KLHL29: variants seen among roughly 807,000 people sequenced by gnomAD.
The protein encoded by KLHL29 is kelch-like protein 29.
Under a neutral mutation model 80.4 loss-of-function variants are expected in KLHL29, and 21 were observed. The ratio of observed to expected loss-of-function variants is 0.26; its 90% CI spans 0.19 to 0.38. The LOEUF is 0.38. KLHL29 is among the 10% of genes least tolerant of loss of function. KLHL29 has a pLI of 1.00. For synonymous variants in KLHL29, 511 were observed against 526.8 expected, an observed-to-expected ratio of 0.97 and a Z score of 0.41; for missense variants, 867 against 1,223.9, an observed-to-expected ratio of 0.71 and a Z score of 4.35.
intron 2 of KLHL29, among the ~76,000 whole-genome samples, chr2:23,550,615 G>A (rs1179250616): frequency 6.6e-6 from 1 of 152,214 alleles, no homozygotes; most frequent in Non-Finnish European, 1.5e-5. Context: ...GTCACAGGCA[G>A]TATGATCTGC....
chr2:23,696,289 C>T lies in KLHL29; in HGVS notation c.1925-44C>T. 6.5e-7 allele frequency: 1 copy of T among 1,541,366 alleles called. No homozygotes were observed. Among genetic ancestry groups the T allele is most frequent in the Non-Finnish European group, 8.8e-7 (1 of 1,139,000 alleles). On this transcript the variant is annotated intron_variant, in intron 10 of 13. Transcript: ENST00000486442. The surrounding 1 kb of genome is among the most constrained non-coding windows in gnomAD (Gnocchi z 5.5). Reference sequence around the variant, plus strand: ...GGCTGGGCCTGCTGACCCCAGGCCCCTCCTCACCCCGCCCGCTCTCTCTGC... The same window carrying T: ...GGCTGGGCCTGCTGACCCCAGGCCCTTCCTCACCCCGCCCGCTCTCTCTGC...
chr2:23,670,964 CTCTCTCTCTCTCTCT>C (rs1558432905), intron 5 of KLHL29, among the ~76,000 whole-genome samples: 8 of 24,036 alleles, frequency 3.3e-4, no homozygotes, highest in African/African-American at 3.0e-4. Flanking sequence ...CTCTCTCTCT[CTCTCTCTCTCTCTCT>C]CCCTCCCTCC....
chr2:23,441,237 C>T (rs550757354), intron 1 of KLHL29, among the ~76,000 whole-genome samples: 1 of 143,000 alleles, frequency 7.0e-6, no homozygotes, highest in South Asian at 2.3e-4. Context: ...AGTCAAAAAA[C>T]CAAACACCGC....
chr2:23,431,538 G>A (rs568725407), intron 1 of KLHL29, among the ~76,000 whole-genome samples: 1 of 152,338 alleles, frequency 6.6e-6, no homozygotes, highest in African/African-American at 2.4e-5. Context: ...AGTAGCTGCC[G>A]TGAACATGGG....
intron 3 of KLHL29, among the ~76,000 whole-genome samples, chr2:23,602,613 A>ATTTT (rs3028904): frequency 2.9e-5 from 4 of 140,316 alleles, no homozygotes; most frequent in African/African-American, 7.9e-5. Context: ...CTCTACGTGA[A>ATTTT]TTTTTTTTTT....
intron 4 of KLHL29, among the ~76,000 whole-genome samples, chr2:23,640,555 A>G (rs1402986827): frequency 6.6e-6 from 1 of 152,114 alleles, no homozygotes; most frequent in Non-Finnish European, 1.5e-5. Context: ...TCATAATGAC[A>G]CCACCTCCCC....
At chr2:23,575,788 C>T (rs1319042186) in intron 3 of KLHL29, among the ~76,000 whole-genome samples, 1 of 152,180 alleles carries the variant, frequency 6.6e-6, no homozygotes, top group Non-Finnish European at 1.5e-5. Flanking sequence ...GGAAAAGATG[C>T]AGGCCCCAGC....
intron 5 of KLHL29, among the ~76,000 whole-genome samples, chr2:23,650,507 C>T (rs1481792995): frequency 2.6e-5 from 4 of 152,196 alleles, no homozygotes; most frequent in South Asian, 2.1e-4. Context: ...ACTTAGCTGA[C>T]GTCTTAGCCT....
intron 2 of KLHL29, among the ~76,000 whole-genome samples, chr2:23,477,307 T>G (rs1664665629): frequency 6.6e-6 from 1 of 152,260 alleles, no homozygotes; most frequent in Admixed American, 6.5e-5. Flanking sequence ...CCAGATTCTC[T>G]GCTGGTCAGA....
Position 23,684,858 on chromosome 2 carries a change from C to A in KLHL29, c.1079+321C>A, listed in dbSNP as rs1052393029. ...GTTCTCAGTGGCTCACAAGCTGTCC[C>A]TGAGATTAGGGGGGACTGTAGGCTC... On this transcript the variant is annotated intron_variant, in intron 6 of 13. Transcript: ENST00000486442. The surrounding 1 kb of genome is among the most constrained non-coding windows in gnomAD (Gnocchi z 4.4). 4.6e-5 allele frequency among the ~76,000 whole-genome samples: 7 copies of A among 152,200 alleles called. No homozygotes were observed. The highest frequency in any genetic ancestry group is 1.7e-4 in the African/African-American group (7 of 41,452).
intron 2 of KLHL29, among the ~76,000 whole-genome samples, chr2:23,477,030 C>T (rs938907573): frequency 6.6e-5 from 10 of 152,386 alleles, no homozygotes; most frequent in South Asian, 2.1e-4. Flanking sequence ...AGTGGGCTCT[C>T]GGATCCAGGA....
Position 23,580,147 on chromosome 2 carries a change from G to T in KLHL29, c.285+17666G>T, listed in dbSNP as rs529658575. Among the ~76,000 whole-genome samples the T allele has an allele frequency of 7.7e-4, 117 of 152,234 alleles. 1 individual carries two copies. The South Asian group carries it at 0.023, about 30-fold the overall frequency. On this transcript the variant is annotated intron_variant, in intron 3 of 13. Transcript: ENST00000486442. ...GCACTTTGGGAAGCTGAGGCGGGCCGATCACGAGGTCAGGAGATCAAGACC... is the reference window on the plus strand; with the variant it reads ...GCACTTTGGGAAGCTGAGGCGGGCCTATCACGAGGTCAGGAGATCAAGACC...
chr2:23,559,273 AG>A (rs1226751062), intron 2 of KLHL29, among the ~76,000 whole-genome samples: 2 of 152,122 alleles, frequency 1.3e-5, no homozygotes, highest in Non-Finnish European at 2.9e-5. Context: ...TAGAAAAGGG[AG>A]CCCGCCCAGA....
Position 23,612,345 on chromosome 2 carries a change from A to C in KLHL29, c.286-26794A>C, listed in dbSNP as rs796555351. 9.8e-5 allele frequency among the ~76,000 whole-genome samples: 15 copies of C among 152,388 alleles called. 1 individual carries two copies. Among genetic ancestry groups the C allele is most frequent in the African/African-American group, 3.4e-4 (14 of 41,594 alleles). Reference sequence around the variant, plus strand: ...GGTGTGATATCTTTAAAGTGCTAAAAGAAATTGCCAGCTCGGAATTCTATA... The same window carrying C: ...GGTGTGATATCTTTAAAGTGCTAAACGAAATTGCCAGCTCGGAATTCTATA... On this transcript the variant is annotated intron_variant, in intron 3 of 13. Coordinates refer to ENST00000486442, the MANE Select transcript of KLHL29 (RefSeq NM_052920.2).
At chr2:23,611,963 A>T (rs1477976718) in intron 3 of KLHL29, among the ~76,000 whole-genome samples, 4 of 152,172 alleles carry the variant, frequency 2.6e-5, no homozygotes, top group Non-Finnish European at 4.4e-5. Flanking sequence ...CCAGAGAAAA[A>T]ATGCAAAAAA....
chr2:23,628,860 G>A (rs2149148194), intron 3 of KLHL29, among the ~76,000 whole-genome samples: 1 of 152,202 alleles, frequency 6.6e-6, no homozygotes, highest in South Asian at 2.1e-4. Context: ...ATGTGCGTCT[G>A]CGAGTCTACA....
intron 11 of KLHL29, among the ~76,000 whole-genome samples, chr2:23,698,905 G>A (rs1672175866): frequency 6.6e-6 from 1 of 152,214 alleles, no homozygotes; most frequent in Non-Finnish European, 1.5e-5. Flanking sequence ...CTGAAAGACT[G>A]AGGACTAACA....
chr2:23,551,238 T>G (rs1238136309), intron 2 of KLHL29, among the ~76,000 whole-genome samples: 4 of 152,216 alleles, frequency 2.6e-5, no homozygotes, highest in Non-Finnish European at 2.9e-5. Flanking sequence ...TCCAGTATCT[T>G]TTTTATTTTT....
At chr2:23,624,136 C>T (rs1194476707) in intron 3 of KLHL29, among the ~76,000 whole-genome samples, 1 of 152,158 alleles carries the variant, frequency 6.6e-6, no homozygotes, top group African/African-American at 2.4e-5. Context: ...TGGTATTCCA[C>T]ATGAGCTGTG....
Sources: gnomAD v4.1 joint callset for allele counts (sites outside exome capture counted in the v4.1 genomes callset) on GRCh38, gnomAD v4.1.1 for gene constraint, Gnocchi (gnomAD v3.1) non-coding constraint, MANE v1.5 for transcripts, NCBI Gene and HGNC (gene_info 2026-07-23, HGNC 2026-07-21) for gene names.